NREP: variants seen among roughly 807,000 people sequenced by gnomAD.
The protein encoded by NREP is neuronal regeneration-related protein.
Under a neutral mutation model 8.6 loss-of-function variants are expected in NREP, and 5 were observed. The observed-to-expected ratio is 0.58, with a 90% CI of 0.30 to 1.22. The LOEUF (loss-of-function observed/expected upper bound fraction) is 1.22, where lower values mean the gene tolerates loss of function less well. NREP is among the 50% of genes most tolerant of loss of function. NREP has a pLI of 0.07. For synonymous variants in NREP, 27 were observed against 28.0 expected, an observed-to-expected ratio of 0.96 and a Z score of 0.11; for missense variants, 86 against 82.5, an observed-to-expected ratio of 1.04 and a Z score of -0.17.
At chr5:111,770,182 TA>T (rs1751184240) in intron 2 of NREP, among the ~76,000 whole-genome samples, 1 of 152,220 alleles carries the variant, frequency 6.6e-6, no homozygotes. Flanking sequence ...TTTCAATTTT[TA>T]TAACCCCAAT....
intron 2 of NREP, among the ~76,000 whole-genome samples, chr5:111,918,450 C>T (rs1030026113): frequency 3.3e-5 from 5 of 152,144 alleles, no homozygotes; most frequent in African/African-American, 9.7e-5. Context: ...TACCTGACTT[C>T]AAACTAACTA....
intron 2 of NREP, among the ~76,000 whole-genome samples, chr5:111,884,165 A>C (rs1754172510): frequency 6.6e-6 from 1 of 151,946 alleles, no homozygotes; most frequent in Non-Finnish European, 1.5e-5. Flanking sequence ...CCACAGAAAT[A>C]CAAACTACCA....
At chr5:111,951,395 C>T (rs917005209) in intron 2 of NREP, among the ~76,000 whole-genome samples, 14 of 152,086 alleles carry the variant, frequency 9.2e-5, no homozygotes, top group African/African-American at 3.4e-4. Flanking sequence ...ACGAACAATG[C>T]CTGTAGCCTA....
intron 2 of NREP, among the ~76,000 whole-genome samples, chr5:111,959,310 G>C (rs146820058): frequency 2.0e-4 from 31 of 152,062 alleles, no homozygotes; most frequent in African/African-American, 6.7e-4. Flanking sequence ...TTAACTTTGA[G>C]GAAGGGGTAA....
chr5:111,869,786 A>G (rs1319111440), intron 2 of NREP, among the ~76,000 whole-genome samples: 1 of 152,178 alleles, frequency 6.6e-6, no homozygotes, highest in African/African-American at 2.4e-5. Flanking sequence ...CAAGGAGAGG[A>G]ATTTGTTTCT....
At chr5:111,906,718 T>C (rs75773635) in intron 2 of NREP, among the ~76,000 whole-genome samples, 82 of 152,170 alleles carry the variant, frequency 5.4e-4, no homozygotes, top group Non-Finnish European at 1.0e-3. Flanking sequence ...TTCTAATAGG[T>C]GTGTAGTGAA....
At chr5:111,970,551 C>A (rs910142453) in intron 2 of NREP, among the ~76,000 whole-genome samples, 2 of 152,034 alleles carry the variant, frequency 1.3e-5, no homozygotes, top group East Asian at 3.9e-4. Flanking sequence ...CTGGGTCGGG[C>A]GTGGTGGCTT....
chr5:111,756,330 G>A (rs930704998), intron 1 of NREP: 2 of 710,402 alleles, frequency 2.8e-6, no homozygotes, highest in African/African-American at 2.1e-5. Flanking sequence ...CGGCGGGGGG[G>A]GTGGGGGGAG....
At chr5:111,922,195 A>G (rs186256231) in intron 2 of NREP, among the ~76,000 whole-genome samples, 3 of 152,286 alleles carry the variant, frequency 2.0e-5, no homozygotes, top group Non-Finnish European at 2.9e-5. Flanking sequence ...TCTTGAGACA[A>G]CTTTCTGAGG....
At chr5:111,878,913 T>C (rs994058828) in intron 2 of NREP, among the ~76,000 whole-genome samples, 3 of 152,218 alleles carry the variant, frequency 2.0e-5, no homozygotes, top group African/African-American at 7.2e-5. Context: ...GAATACTCCT[T>C]CAACCCCCAC....
chr5:111,912,284 C>T (rs1754934589), intron 2 of NREP, among the ~76,000 whole-genome samples: 1 of 152,012 alleles, frequency 6.6e-6, no homozygotes, highest in Non-Finnish European at 1.5e-5. Flanking sequence ...CTAAAACCCA[C>T]CCTGGCAAAA....
chr5:111,934,814 G>C (rs1171429436), intron 2 of NREP, among the ~76,000 whole-genome samples: 1 of 152,096 alleles, frequency 6.6e-6, no homozygotes, highest in Non-Finnish European at 1.5e-5. Context: ...GAAATATGGA[G>C]AACCTCCTGG....
intron 2 of NREP, among the ~76,000 whole-genome samples, chr5:111,867,463 T>C (rs547416046): frequency 1.6e-4 from 24 of 152,274 alleles, no homozygotes; most frequent in African/African-American, 5.5e-4. Context: ...CCAATGCTGT[T>C]GGATTAGGAC....
rs548942810 is a variant in NREP at position 111,798,433 on chromosome 5, G to C, written c.136-62926C>G. ...GGTATTTGGTTACATAAGTTCTTTA[G>C]TGGTGATCTCTGAGATTTTGGTGCA... On this transcript the variant is annotated intron_variant, in intron 2 of 3. Coordinates refer to the NREP transcript ENST00000395634. Among the ~76,000 whole-genome samples the C allele has an allele frequency of 1.2e-3, 189 of 152,076 alleles. 1 individual carries two copies. Among genetic ancestry groups the C allele is most frequent in the African/African-American group, 4.4e-3 (184 of 41,466 alleles).
chr5:111,757,452 C>T, upstream of NREP: 2 of 985,206 alleles, frequency 2.0e-6, no homozygotes, highest in Non-Finnish European at 2.4e-6. Context: ...TTCCCTCTCT[C>T]TCCCGCTAGG....
At chr5:111,838,257 A>C (rs970180553) in intron 2 of NREP, among the ~76,000 whole-genome samples, 1 of 152,176 alleles carries the variant, frequency 6.6e-6, no homozygotes, top group Non-Finnish European at 1.5e-5. Flanking sequence ...ACTTGTGCTT[A>C]CGCACACCTC....
At chr5:111,888,790 G>C (rs977517132) in intron 2 of NREP, among the ~76,000 whole-genome samples, 1 of 152,152 alleles carries the variant, frequency 6.6e-6, no homozygotes, top group Non-Finnish European at 1.5e-5. Context: ...GAGATGGATT[G>C]AGCTGTATTT....
At chr5:111,913,568 T>G (rs967236905) in intron 2 of NREP, among the ~76,000 whole-genome samples, 3 of 151,838 alleles carry the variant, frequency 2.0e-5, no homozygotes, top group African/African-American at 7.3e-5. Context: ...GACTGAAGAG[T>G]AAAATGAGGA....
intron 2 of NREP, among the ~76,000 whole-genome samples, chr5:111,945,257 C>T (rs1192920090): frequency 2.6e-5 from 4 of 151,942 alleles, no homozygotes; most frequent in Non-Finnish European, 5.9e-5. Flanking sequence ...ATGAGTTGAT[C>T]CTATTTGCTA....
Sources: gnomAD v4.1 joint callset for allele counts (sites outside exome capture counted in the v4.1 genomes callset) on GRCh38, gnomAD v4.1.1 for gene constraint, MANE v1.5 for transcripts, NCBI Gene and HGNC (gene_info 2026-07-23, HGNC 2026-07-21) for gene names.